Variants in SGCZ observed in about 807,000 individuals in gnomAD.
SGCZ encodes zeta-sarcoglycan.
Under a neutral mutation model 41.3 loss-of-function variants are expected in SGCZ, and 40 were observed. The observed-to-expected ratio is 0.97, with a 90% confidence interval of 0.75 to 1.26. SGCZ has a LOEUF of 1.26. Ranked by LOEUF, SGCZ falls within the 50% of genes most tolerant of loss-of-function variation. The pLI is 0.00. For synonymous variants in SGCZ, 206 were observed against 137.5 expected (o/e 1.50, Z -3.49); for missense variants, 552 against 369.8 (o/e 1.49, Z -4.04).
intron 1 of SGCZ, among the ~76,000 whole-genome samples, chr8:14,755,956 A>C (rs1402390661): frequency 6.6e-6 from 1 of 152,180 alleles, no homozygotes; most frequent in African/African-American, 2.4e-5. Context: ...ACTCAAGATA[A>C]ATACATAAAT....
chr8:14,495,658 T>C (rs1387044504), intron 2 of SGCZ, among the ~76,000 whole-genome samples: 5 of 152,202 alleles, frequency 3.3e-5, no homozygotes, highest in Non-Finnish European at 7.3e-5. Context: ...TTTAATTGCT[T>C]CATTAAGGTG....
intron 1 of SGCZ, among the ~76,000 whole-genome samples, chr8:15,234,205 C>A (rs543118943): frequency 6.6e-5 from 10 of 152,246 alleles, no homozygotes; most frequent in Non-Finnish European, 1.3e-4. Flanking sequence ...AACGATGGAG[C>A]TAAAATAAAG....
chr8:14,226,443 T>C (rs570473632), intron 4 of SGCZ, among the ~76,000 whole-genome samples: 9 of 152,208 alleles, frequency 5.9e-5, no homozygotes, highest in South Asian at 2.1e-4. Context: ...GGTTTTACCA[T>C]AGTTTTGTCC....
chr8:14,715,741 G>A (rs1016942188), intron 1 of SGCZ, among the ~76,000 whole-genome samples: 2 of 152,034 alleles, frequency 1.3e-5, no homozygotes, highest in Non-Finnish European at 2.9e-5. Flanking sequence ...TACCAATAGA[G>A]ATCTGTCAGA....
chr8:15,156,595 G>A (rs368933233), intron 1 of SGCZ, among the ~76,000 whole-genome samples: 112 of 152,196 alleles, frequency 7.4e-4, no homozygotes, highest in African/African-American at 2.5e-3. Flanking sequence ...CCATTATCTC[G>A]TTGAAAGACA....
intron 2 of SGCZ, among the ~76,000 whole-genome samples, chr8:14,359,224 A>C (rs1231281421): frequency 6.6e-6 from 1 of 152,168 alleles, no homozygotes; most frequent in Non-Finnish European, 1.5e-5. Context: ...AAAGGATCCT[A>C]AAATCACCAA....
intron 2 of SGCZ, among the ~76,000 whole-genome samples, chr8:14,356,733 TAATATTGTCTTTTC>T (rs1209068367): frequency 6.6e-6 from 1 of 152,116 alleles, no homozygotes; most frequent in East Asian, 1.9e-4. Context: ...TATATATTTT[TAATATTGTCTTTTC>T]AATATCACTA....
intron 3 of SGCZ, among the ~76,000 whole-genome samples, chr8:14,300,104 G>A (rs1157967): frequency 0.13 from 20,347 of 151,812 alleles, 1,536 homozygotes; most frequent in Admixed American, 0.21. Context: ...GCCTGAAGTG[G>A]GCTTTAGGAA....
chr8:14,192,574 C>A (rs1465022490), intron 4 of SGCZ, among the ~76,000 whole-genome samples: 2 of 151,872 alleles, frequency 1.3e-5, no homozygotes, highest in East Asian at 1.9e-4. Flanking sequence ...AGAGTTCTAT[C>A]CAAGAATATG....
intron 1 of SGCZ, among the ~76,000 whole-genome samples, chr8:14,834,488 T>C (rs553886550): frequency 1.4e-4 from 21 of 152,248 alleles, no homozygotes; most frequent in African/African-American, 4.8e-4. Context: ...TGCTCAGGAA[T>C]TCAGGCTGCC....
intron 2 of SGCZ, among the ~76,000 whole-genome samples, chr8:14,397,291 C>A (rs1798946430): frequency 6.6e-6 from 1 of 152,020 alleles, no homozygotes; most frequent in South Asian, 2.1e-4. Context: ...TATAGTATTT[C>A]TGATGTAAAA....
chr8:14,234,467 T>A (rs925795396), intron 4 of SGCZ, among the ~76,000 whole-genome samples: 1 of 152,042 alleles, frequency 6.6e-6, no homozygotes, highest in African/African-American at 2.4e-5. Flanking sequence ...AATACTCAAA[T>A]TGTTATGTTT....
At chr8:14,119,439 T>A (rs929564374) in intron 5 of SGCZ, among the ~76,000 whole-genome samples, 5 of 152,218 alleles carry the variant, frequency 3.3e-5, no homozygotes, top group Admixed American at 1.3e-4. Flanking sequence ...TGATTTTGCT[T>A]ATGAGCTTAA....
At chr8:14,800,490 A>C (rs965298610) in intron 1 of SGCZ, among the ~76,000 whole-genome samples, 18 of 152,144 alleles carry the variant, frequency 1.2e-4, no homozygotes, top group African/African-American at 4.3e-4. Flanking sequence ...TATCCACCCA[A>C]ATCTCATCAT....
chr8:14,979,605 C>G (rs1000677281), intron 1 of SGCZ, among the ~76,000 whole-genome samples: 1 of 152,212 alleles, frequency 6.6e-6, no homozygotes, highest in Admixed American at 6.5e-5. Context: ...TGGCCATAAA[C>G]TGCATTTTAG....
intron 2 of SGCZ, among the ~76,000 whole-genome samples, chr8:14,520,076 T>C (rs7823656): frequency 6.5e-4 from 99 of 152,186 alleles, no homozygotes; most frequent in African/African-American, 2.2e-3. Context: ...GGAGTAACAA[T>C]CATTCCACAA....
At chr8:15,208,017 C>T (rs1335420273) in intron 1 of SGCZ, among the ~76,000 whole-genome samples, 1 of 152,192 alleles carries the variant, frequency 6.6e-6, no homozygotes, top group African/African-American at 2.4e-5. Flanking sequence ...CTTAGAAACA[C>T]TGAATGTAAA....
intron 1 of SGCZ, among the ~76,000 whole-genome samples, chr8:14,830,628 C>G (rs1802493796): frequency 6.6e-6 from 1 of 152,072 alleles, no homozygotes; most frequent in African/African-American, 2.4e-5. Context: ...CATGCCTATT[C>G]CAGAGTAGAC....
At chr8:14,501,568 C>T (rs1339213805) in intron 2 of SGCZ, among the ~76,000 whole-genome samples, 3 of 150,146 alleles carry the variant, frequency 2.0e-5, no homozygotes, top group Non-Finnish European at 4.4e-5. Flanking sequence ...GACTGCTTTT[C>T]ATAATCTATA....
Sources: allele counts gnomAD v4.1 joint callset (sites outside exome capture counted in the v4.1 genomes callset), GRCh38; gene constraint gnomAD v4.1.1; transcripts MANE v1.5; gene names NCBI Gene and HGNC (gene_info 2026-07-23, HGNC 2026-07-21).